GPC6: variants seen among roughly 807,000 people sequenced by gnomAD.
GPC6 encodes glypican 6.
GPC6 carries 14 observed loss-of-function variants against 55.2 expected under a neutral mutation model. The observed-to-expected ratio is 0.25, with a 90% CI of 0.17 to 0.40. GPC6 has a LOEUF of 0.40. Among genes scored for constraint, GPC6 ranks in the 10% least tolerant of loss-of-function variants. GPC6 has a pLI of 1.00. For synonymous variants in GPC6, 278 were observed against 259.6 expected, an observed-to-expected ratio of 1.07 and a Z score of -0.68; for missense variants, 641 against 708.5, an observed-to-expected ratio of 0.90 and a Z score of 1.08.
At chr13:93,672,465 GT>G (rs893832457) in intron 2 of GPC6, among the ~76,000 whole-genome samples, 5 of 151,700 alleles carry the variant, frequency 3.3e-5, no homozygotes, top group South Asian at 2.1e-4. Context: ...GTTAAAGTAT[GT>G]TTTTTTGATG....
chr13:93,374,951 A>G (rs1372766810), intron 1 of GPC6, among the ~76,000 whole-genome samples: 2 of 152,144 alleles, frequency 1.3e-5, no homozygotes, highest in Non-Finnish European at 2.9e-5. Flanking sequence ...CTTTGATTTT[A>G]TCTCTAATCA....
At chr13:93,722,464 G>T (rs1418556950) in intron 2 of GPC6, among the ~76,000 whole-genome samples, 2 of 151,632 alleles carry the variant, frequency 1.3e-5, no homozygotes. Flanking sequence ...CCTTAGATTA[G>T]TAAGACCTAA....
At chr13:94,067,606 GATAGAT>G (rs1451023847) in intron 4 of GPC6, among the ~76,000 whole-genome samples, 15 of 151,784 alleles carry the variant, frequency 9.9e-5, no homozygotes, top group African/African-American at 3.6e-4. Context: ...TAGATAGATA[GATAGAT>G]AGATAGATAG....
chr13:93,597,969 C>A (rs1015662264), intron 2 of GPC6, among the ~76,000 whole-genome samples: 4 of 151,936 alleles, frequency 2.6e-5, no homozygotes, highest in Non-Finnish European at 5.9e-5. Flanking sequence ...CATGGTGAAA[C>A]CCCATCTCTA....
chr13:94,328,474 G>T (rs1041746399), intron 6 of GPC6, among the ~76,000 whole-genome samples: 1 of 152,190 alleles, frequency 6.6e-6, no homozygotes, highest in Non-Finnish European at 1.5e-5. Flanking sequence ...ACTTCCTGGG[G>T]ATGCTGGAAC....
At chr13:94,295,955 C>G (rs978524148) in intron 5 of GPC6, among the ~76,000 whole-genome samples, 101 of 152,092 alleles carry the variant, frequency 6.6e-4, no homozygotes, top group African/African-American at 2.3e-3. Context: ...CTGCGCTCCA[C>G]CGAGAAACAG....
chr13:94,003,384 T>C (rs1206819391), intron 3 of GPC6, among the ~76,000 whole-genome samples: 3 of 152,168 alleles, frequency 2.0e-5, no homozygotes, highest in African/African-American at 7.2e-5. Context: ...ACTGCATCAA[T>C]AGAGCTCAGT....
At chr13:94,339,697 A>C (rs371042420) in intron 6 of GPC6, among the ~76,000 whole-genome samples, 4 of 146,496 alleles carry the variant, frequency 2.7e-5, no homozygotes, top group African/African-American at 1.0e-4. Context: ...AAGAGGAATG[A>C]TCTATGGAAA....
At chr13:93,957,165 A>C (rs1879545711) in intron 3 of GPC6, among the ~76,000 whole-genome samples, 1 of 152,148 alleles carries the variant, frequency 6.6e-6, no homozygotes, top group South Asian at 2.1e-4. Flanking sequence ...TATGATCTGT[A>C]ATAGTAAATA....
intron 2 of GPC6, among the ~76,000 whole-genome samples, chr13:93,548,488 T>C (rs753942813): frequency 5.9e-5 from 9 of 152,206 alleles, no homozygotes; most frequent in Non-Finnish European, 1.2e-4. Flanking sequence ...ATGCTTTGAT[T>C]CCATTTAACT....
chr13:94,190,020 C>CAAA lies in GPC6; in HGVS notation c.878-96317_878-96315dup, dbSNP rs551911889. 4.4e-4 allele frequency among the ~76,000 whole-genome samples: 56 copies of CAAA among 126,832 alleles called. 1 individual carries two copies. In the South Asian group the frequency reaches 5.3e-3, roughly 12 times the overall value. 83.2% of individuals were successfully genotyped at this position (126,832 alleles called of 152,430 possible). On this transcript the variant is annotated intron_variant, in intron 4 of 8. Coordinates refer to ENST00000377047, the MANE Select transcript of GPC6 (RefSeq NM_005708.5). ...TGGGAGACAGAGCAAGACTCTGTCT[C>CAAA]AAAAAAAAAAAAAAGTATGCAGGCC... is the stretch of plus-strand genomic sequence containing the variant.
chr13:93,502,405 C>A (rs140225128), intron 1 of GPC6, among the ~76,000 whole-genome samples: 1 of 152,092 alleles, frequency 6.6e-6, no homozygotes, highest in African/African-American at 2.4e-5. Flanking sequence ...TGGACTCTTA[C>A]AGAATGTGTT....
At chr13:93,676,740 C>G (rs774427005) in intron 2 of GPC6, among the ~76,000 whole-genome samples, 64 of 152,124 alleles carry the variant, frequency 4.2e-4, no homozygotes, top group Non-Finnish European at 4.9e-4. Flanking sequence ...TCTACCTGCT[C>G]TCTGAATTTG....
At chr13:93,889,190 C>T (rs1875516711) in intron 3 of GPC6, among the ~76,000 whole-genome samples, 1 of 152,070 alleles carries the variant, frequency 6.6e-6, no homozygotes, top group African/African-American at 2.4e-5. Flanking sequence ...CATTTATATA[C>T]TCACTGCTCA....
At chr13:93,876,059 C>G (rs773185722) in intron 3 of GPC6, among the ~76,000 whole-genome samples, 5 of 152,004 alleles carry the variant, frequency 3.3e-5, no homozygotes, top group Non-Finnish European at 7.4e-5. Context: ...GTGCTGCTTA[C>G]AGGGACCTTA....
At chr13:93,696,614 A>ATTTTT (rs144339785) in intron 2 of GPC6, among the ~76,000 whole-genome samples, 1 of 136,656 alleles carries the variant, frequency 7.3e-6, no homozygotes, top group African/African-American at 2.7e-5. Context: ...ACCTCCATAA[A>ATTTTT]TTTTTTTTTT....
At chr13:93,820,877 C>T (rs1887022370) in intron 2 of GPC6, among the ~76,000 whole-genome samples, 1 of 151,872 alleles carries the variant, frequency 6.6e-6, no homozygotes, top group Admixed American at 6.6e-5. Flanking sequence ...AGCTACCGTG[C>T]AAAGGAATAT....
chr13:94,358,695 AT>A (rs1878917084), intron 6 of GPC6, among the ~76,000 whole-genome samples: 1 of 152,214 alleles, frequency 6.6e-6, no homozygotes, highest in Non-Finnish European at 1.5e-5. Context: ...CTGAGAGCAC[AT>A]TGTGTGAACA....
intron 1 of GPC6, among the ~76,000 whole-genome samples, chr13:93,235,309 A>T (rs946447230): frequency 2.6e-5 from 4 of 152,184 alleles, no homozygotes; most frequent in African/African-American, 9.7e-5. Context: ...GAGAGCACAG[A>T]AAGGAATCTG....
Sources: allele counts gnomAD v4.1 joint callset (sites outside exome capture counted in the v4.1 genomes callset), GRCh38; gene constraint gnomAD v4.1.1; transcripts MANE v1.5; gene names NCBI Gene and HGNC (gene_info 2026-07-23, HGNC 2026-07-21).